PRDM6: variants seen among roughly 807,000 people sequenced by gnomAD.
The protein encoded by PRDM6 is PR/SET domain 6.
PRDM6 carries 25 observed loss-of-function variants against 60.8 expected under a neutral mutation model. The observed-to-expected ratio is 0.41, with a 90% confidence interval of 0.30 to 0.57. PRDM6 has a LOEUF of 0.57. Among genes scored for constraint, PRDM6 ranks in the 20% least tolerant of loss-of-function variants. The probability of loss-of-function intolerance (pLI) is 0.27; values close to 1 mark genes in which losing one functional copy is unlikely to be tolerated. For synonymous variants in PRDM6, 407 were observed against 357.4 expected, an observed-to-expected ratio of 1.14 and a Z score of -1.57; for missense variants, 839 against 821.3, an observed-to-expected ratio of 1.02 and a Z score of -0.26.
At chr5:123,184,348 A>G (rs455811) in intron 7 of PRDM6, among the ~76,000 whole-genome samples, 2 of 152,128 alleles carry the variant, frequency 1.3e-5, no homozygotes, top group African/African-American at 2.4e-5. Context: ...TCACAATGGT[A>G]TAATAGAAAC....
intron 7 of PRDM6, among the ~76,000 whole-genome samples, chr5:123,182,441 A>G (rs1439308836): frequency 6.6e-6 from 1 of 152,168 alleles, no homozygotes; most frequent in African/African-American, 2.4e-5. Context: ...ATTGATTTTT[A>G]TCTTGTTGCT....
chr5:123,105,695 CTTTCATTCTTTTTT>C (rs1764186052), intron 3 of PRDM6, among the ~76,000 whole-genome samples: 1 of 152,136 alleles, frequency 6.6e-6, no homozygotes, highest in African/African-American at 2.4e-5. Flanking sequence ...CGTTCTTTTT[CTTTCATTCTTTTTT>C]AGGATCGTAT....
chr5:123,189,043 A>G lies in PRDM6; in HGVS notation c.*1842A>G, dbSNP rs372416374. The G allele has an allele frequency of 6.6e-5, 10 of 152,336 alleles. No homozygotes were observed. The highest frequency in any genetic ancestry group is 2.2e-4 in the African/African-American group (9 of 41,582). 9.4% of individuals were successfully genotyped at this position (152,336 alleles called of 1,614,324 possible). The stretch of plus-strand genomic sequence containing the variant: ...CTAGAATTTTCCTCCAGTTCTTACT[A>G]TCTCCTGGTCATGAAAGTAGTAAGG... On this transcript the variant is annotated 3_prime_UTR_variant, in exon 8 of 8. Transcript: ENST00000407847.
chr5:123,123,467 C>A (rs186977645), intron 3 of PRDM6, among the ~76,000 whole-genome samples: 1 of 152,292 alleles, frequency 6.6e-6, no homozygotes, highest in Admixed American at 6.5e-5. Context: ...TTACATACTG[C>A]ATTGCCACAG....
At chr5:123,101,379 A>G (rs960301667) in intron 3 of PRDM6, among the ~76,000 whole-genome samples, 1 of 152,092 alleles carries the variant, frequency 6.6e-6, no homozygotes, top group Non-Finnish European at 1.5e-5. Flanking sequence ...TACCTACCCT[A>G]TAGTTATCTG....
rs1490995800 is a variant in PRDM6, at chr5:123,089,272, G to GGCAGCGGCCAAGCGCA, written c.-257_-242dup. 2.6e-5 allele frequency: 4 copies of GGCAGCGGCCAAGCGCA among 152,844 alleles called. No individual in the cohort carries two copies. Among genetic ancestry groups the GGCAGCGGCCAAGCGCA allele is most frequent in the Admixed American group, 6.5e-5 (1 of 15,278 alleles). The allele number at this position is 152,844 out of a possible 1,614,324, so 9.5% of individuals were successfully genotyped here. ...GCGTGGAACCAAGGAGCCAGGACGC[G>GGCAGCGGCCAAGCGCA]GCAGCGGCCAAGCGCAGCAGCCCAC... On this transcript the variant is annotated 5_prime_UTR_variant, in exon 1 of 8. Transcript: ENST00000407847.
chr5:123,113,726 T>C (rs1349818267), intron 3 of PRDM6, among the ~76,000 whole-genome samples: 1 of 152,140 alleles, frequency 6.6e-6, no homozygotes, highest in Non-Finnish European at 1.5e-5. Flanking sequence ...TTTATTCAGC[T>C]GACCCTGGCC....
chr5:123,160,125 A>C (rs1447328699), intron 5 of PRDM6, among the ~76,000 whole-genome samples: 1 of 152,250 alleles, frequency 6.6e-6, no homozygotes, highest in Non-Finnish European at 1.5e-5. Flanking sequence ...AGTCATTTGC[A>C]TGAGAAATAA....
chr5:123,173,238 AAAT>A (rs1765935509), intron 6 of PRDM6, among the ~76,000 whole-genome samples: 2 of 152,170 alleles, frequency 1.3e-5, no homozygotes, highest in African/African-American at 4.8e-5. Flanking sequence ...CTGTCCTGTA[AAAT>A]AATAATGTCA....
chr5:123,169,488 C>G (rs985738924), intron 5 of PRDM6, among the ~76,000 whole-genome samples: 9 of 152,106 alleles, frequency 5.9e-5, no homozygotes, highest in Non-Finnish European at 1.2e-4. Flanking sequence ...CATGATAGGC[C>G]CTGTAATAAG....
chr5:123,156,444 A>G (rs369184471), intron 4 of PRDM6, among the ~76,000 whole-genome samples: 1 of 152,212 alleles, frequency 6.6e-6, no homozygotes, highest in African/African-American at 2.4e-5. Flanking sequence ...GCACAACAGC[A>G]TGGGAAACCA....
chr5:123,175,343 T>C (rs547071746), intron 6 of PRDM6, among the ~76,000 whole-genome samples: 43 of 152,334 alleles, frequency 2.8e-4, no homozygotes, highest in African/African-American at 9.9e-4. Flanking sequence ...TTCACATTTG[T>C]GTTTTAAGTA....
Position 123,099,715 on chromosome 5 carries a change from G to T in PRDM6, c.654G>T (p.Ser218=), listed in dbSNP as rs186755. ...GCCCTATGCATGGGCCACTGCACTC[G>T]CTGCGCCGGCTTGTGGGCACCAGCA... ...GECPMHGPLH[S]LRRLVGTSSA... is the part of the protein sequence containing the mutation. The change falls in exon 3 of 8, where the codon TCG becomes TCT. Residue 218 remains serine (S), a synonymous_variant. Transcript: ENST00000407847. The surrounding 1 kb of genome is among the most constrained non-coding windows in gnomAD (Gnocchi z 4.0). 4 of 1,529,242 alleles carry T rather than the reference G, an allele frequency of 2.6e-6. No homozygotes were observed. Among genetic ancestry groups the T allele is most frequent in the Non-Finnish European group, 2.6e-6 (3 of 1,138,350 alleles). The allele number at this position is 1,529,242 out of a possible 1,614,324, so 94.7% of individuals were successfully genotyped here.
chr5:123,135,491 C>CT (rs1271932200), intron 3 of PRDM6, among the ~76,000 whole-genome samples: 1 of 152,138 alleles, frequency 6.6e-6, no homozygotes, highest in East Asian at 1.9e-4. Flanking sequence ...CTGAGCTCAG[C>CT]TTTGTATTAA....
At chr5:123,093,297 C>T (rs1763883844) in intron 2 of PRDM6, among the ~76,000 whole-genome samples, 1 of 152,160 alleles carries the variant, frequency 6.6e-6, no homozygotes, top group African/African-American at 2.4e-5. Context: ...CTTCTCCCTT[C>T]CCTTTAGCAA....
intron 3 of PRDM6, among the ~76,000 whole-genome samples, chr5:123,111,426 C>T (rs994846193): frequency 1.8e-4 from 28 of 152,156 alleles, no homozygotes; most frequent in African/African-American, 6.3e-4. Flanking sequence ...CGGCAGGGCG[C>T]GGTGGCTCAC....
chr5:123,102,751 A>G (rs1039691750), intron 3 of PRDM6, among the ~76,000 whole-genome samples: 1 of 152,120 alleles, frequency 6.6e-6, no homozygotes, highest in Non-Finnish European at 1.5e-5. Flanking sequence ...CAAGTTCAAT[A>G]CTCAGGTCCT....
intron 3 of PRDM6, 110 bp from the exon 4 acceptor site, chr5:123,155,774 C>T (rs544131361): frequency 1.5e-6 from 2 of 1,294,542 alleles, no homozygotes; most frequent in South Asian, 3.0e-5. Flanking sequence ...CACTAGCAAA[C>T]CTAAGGGCAA....
chr5:123,121,740 A>G (rs989905301), intron 3 of PRDM6, among the ~76,000 whole-genome samples: 23 of 152,106 alleles, frequency 1.5e-4, no homozygotes, highest in African/African-American at 4.8e-4. Context: ...TTCCCCCCCA[A>G]ATATTTTTTA....
Sources: allele counts gnomAD v4.1 joint callset (sites outside exome capture counted in the v4.1 genomes callset), GRCh38; gene constraint gnomAD v4.1.1; non-coding constraint Gnocchi (gnomAD v3.1); transcripts MANE v1.5; gene names NCBI Gene and HGNC (gene_info 2026-07-23, HGNC 2026-07-21).